PRKCE: variants seen among roughly 807,000 people sequenced by gnomAD.
PRKCE encodes the protein protein kinase C epsilon.
A neutral mutation model predicts 85.4 loss-of-function variants in PRKCE; 16 were observed. The observed-to-expected ratio is 0.19, with a 90% CI of 0.13 to 0.28. PRKCE has a LOEUF of 0.28. Among genes scored for constraint, PRKCE ranks in the 10% least tolerant of loss-of-function variants. The pLI, the probability that PRKCE is intolerant of heterozygous loss-of-function variation, is 1.00. For missense variants in PRKCE, 573 were observed against 975.2 expected, an observed-to-expected ratio of 0.59 and a Z score of 5.49; for synonymous variants, 388 against 371.5, an observed-to-expected ratio of 1.04 and a Z score of -0.51.
chr2:46,103,243 C>G (rs907101515), intron 11 of PRKCE, among the ~76,000 whole-genome samples: 1 of 152,144 alleles, frequency 6.6e-6, no homozygotes, highest in Non-Finnish European at 1.5e-5. Context: ...TGACATACCC[C>G]CATCATTGTG....
chr2:45,886,553 A>C (rs1432777606), intron 2 of PRKCE, among the ~76,000 whole-genome samples: 3 of 152,242 alleles, frequency 2.0e-5, no homozygotes, highest in African/African-American at 7.2e-5. Context: ...ACCTAACTAC[A>C]TGGGCACAGG....
At chr2:46,085,755 G>T (rs73926179) in intron 10 of PRKCE, among the ~76,000 whole-genome samples, 10,782 of 20,796 alleles carry the variant, frequency 0.52, 2,260 homozygotes, top group African/African-American at 0.6. Flanking sequence ...TTTTGTTTTT[G>T]TTTTTTTTTT....
chr2:45,741,676 T>C (rs112209290), intron 1 of PRKCE, among the ~76,000 whole-genome samples: 3,636 of 152,268 alleles, frequency 0.024, 150 homozygotes, highest in African/African-American at 0.083. Flanking sequence ...GGCTGTAAGG[T>C]ACTGCTGACA....
intron 2 of PRKCE, among the ~76,000 whole-genome samples, chr2:45,960,801 T>C (rs1386321037): frequency 6.6e-6 from 1 of 152,170 alleles, no homozygotes; most frequent in Non-Finnish European, 1.5e-5. Flanking sequence ...GACTGAAAAA[T>C]TCCCCAAATT....
In PRKCE at chr2:45,695,825, G is replaced by A. The variant is rs113452613; in HGVS notation, c.348+43377G>A. Among the ~76,000 whole-genome samples, 518 of 152,326 alleles carry A rather than the reference G, an allele frequency of 3.4e-3. 1 individual carries two copies. Among genetic ancestry groups the A allele is most frequent in the African/African-American group, 0.012 (491 of 41,580 alleles). ...ATGTACCATGCTTGTAGGATGCAAG[G>A]TCTCATGGGGAAGAGGGTGGAGAGC... On this transcript the variant is annotated intron_variant, in intron 1 of 14. Transcript: ENST00000306156.
chr2:46,149,949 CG>C (rs1676453716), intron 12 of PRKCE, among the ~76,000 whole-genome samples: 1 of 151,710 alleles, frequency 6.6e-6, no homozygotes, highest in Admixed American at 6.6e-5. Flanking sequence ...CTCAAACTCC[CG>C]GGCTCAAGTG....
chr2:46,143,700 G>A (rs1318686658), intron 11 of PRKCE, among the ~76,000 whole-genome samples: 3 of 152,200 alleles, frequency 2.0e-5, no homozygotes, highest in Non-Finnish European at 4.4e-5. Context: ...ACAGTGGCCA[G>A]GGTGGGGGTG....
chr2:46,160,013 CAATT>C, intron 14 of PRKCE: 1 of 412,324 alleles, frequency 2.4e-6, no homozygotes. Context: ...TACAGAGATT[CAATT>C]TATTTATTTT....
rs1409401184 is a variant in PRKCE, at chr2:46,139,010, T to C, written c.1593-6083T>C. Among the ~76,000 whole-genome samples, 1 of 152,148 alleles carries C rather than the reference T, an allele frequency of 6.6e-6. No individual in the cohort carries two copies. The highest frequency in any genetic ancestry group is 1.5e-5 in the Non-Finnish European group (1 of 68,022). Reference sequence around the variant, plus strand: ...GGTTCCATGGAAGTTCTCGTAAGTCTTCAGTCGAGTGGAGAGTAAAGTAGC... The same window carrying C: ...GGTTCCATGGAAGTTCTCGTAAGTCCTCAGTCGAGTGGAGAGTAAAGTAGC... On this transcript the variant is annotated intron_variant, in intron 11 of 14. Transcript: ENST00000306156. This position sits in a 1 kb window ranked among gnomAD's most constrained non-coding sequence, Gnocchi z 5.2.
chr2:46,016,572 A>G lies in PRKCE; in HGVS notation c.1437+6055A>G, dbSNP rs534167268. Reference sequence around the variant, plus strand: ...CTGCAGCTTCGTGTAACCTCTTTGCATATAAGGAAACCTTACATTTGAATA... The same window carrying G: ...CTGCAGCTTCGTGTAACCTCTTTGCGTATAAGGAAACCTTACATTTGAATA... On this transcript the variant is annotated intron_variant, in intron 10 of 14. Transcript: ENST00000306156. 2.0e-4 allele frequency among the ~76,000 whole-genome samples: 30 copies of G among 152,272 alleles called. 1 individual carries two copies. The South Asian group carries it at 6.2e-3, about 32-fold the overall frequency.
rs75510995 is a variant in PRKCE, at chr2:45,665,584, T to C, written c.348+13136T>C. On this transcript the variant is annotated intron_variant, in intron 1 of 14. Transcript: ENST00000306156. ...TCTTTGGTACCCATGCTCCTTTGTC[T>C]TCTTTGCTTCTTCATGACACCATCC... Among the ~76,000 whole-genome samples the C allele has an allele frequency of 9.5e-3, 1,443 of 152,342 alleles. 19 individuals are homozygous for C. The highest frequency in any genetic ancestry group is 0.033 in the African/African-American group (1,369 of 41,586).
chr2:45,684,368 G>A (rs945164436), intron 1 of PRKCE, among the ~76,000 whole-genome samples: 2 of 152,164 alleles, frequency 1.3e-5, no homozygotes, highest in Non-Finnish European at 2.9e-5. Context: ...GAGGATCAGG[G>A]CTATTTCATC....
intron 1 of PRKCE, among the ~76,000 whole-genome samples, chr2:45,812,911 G>A (rs1688753158): frequency 2.0e-5 from 3 of 152,204 alleles, no homozygotes; most frequent in Admixed American, 2.0e-4. Flanking sequence ...GTTTATATAT[G>A]GAGTGGACAT....
chr2:46,040,908 G>T (rs979382494), intron 10 of PRKCE, among the ~76,000 whole-genome samples: 21 of 152,200 alleles, frequency 1.4e-4, no homozygotes, highest in Admixed American at 2.6e-4. Context: ...AGTTTTAAAT[G>T]TAGTTCGGAC....
At chr2:45,802,822 T>C (rs929854747) in intron 1 of PRKCE, among the ~76,000 whole-genome samples, 15 of 152,238 alleles carry the variant, frequency 9.9e-5, no homozygotes, top group Admixed American at 9.2e-4. Flanking sequence ...CGTATAAACA[T>C]GCACAGTATA....
intron 1 of PRKCE, among the ~76,000 whole-genome samples, chr2:45,797,535 A>G (rs538090851): frequency 5.9e-5 from 9 of 152,314 alleles, no homozygotes; most frequent in African/African-American, 1.9e-4. Context: ...TCTTGCACGC[A>G]CCAGGCTGAG....
In PRKCE at chr2:45,967,030, C is replaced by T. The variant is rs545287910; in HGVS notation, c.413-9399C>T. Among the ~76,000 whole-genome samples, 9 of 152,280 alleles carry T rather than the reference C, an allele frequency of 5.9e-5. No homozygotes were observed. In the South Asian group the frequency reaches 1.9e-3, roughly 32 times the overall value. On this transcript the variant is annotated intron_variant, in intron 2 of 14. Transcript: ENST00000306156. ...AAAAGAGAAAGAACCTGAACCATGG[C>T]TGTATATGTCTGATCTCCTCAGGGC...
chr2:46,020,845 A>C (rs546869121), intron 10 of PRKCE, among the ~76,000 whole-genome samples: 2 of 152,316 alleles, frequency 1.3e-5, no homozygotes, highest in East Asian at 3.9e-4. Context: ...GAGGAAGGAG[A>C]GACGTATTTA....
At chr2:46,112,172 T>C (rs1672319495) in intron 11 of PRKCE, among the ~76,000 whole-genome samples, 1 of 152,220 alleles carries the variant, frequency 6.6e-6, no homozygotes, top group South Asian at 2.1e-4. Context: ...ATTTTCTTTG[T>C]TTTGAAGTCG....
Sources: allele counts gnomAD v4.1 joint callset (sites outside exome capture counted in the v4.1 genomes callset), GRCh38; gene constraint gnomAD v4.1.1; non-coding constraint Gnocchi (gnomAD v3.1); transcripts MANE v1.5; gene names NCBI Gene and HGNC (gene_info 2026-07-23, HGNC 2026-07-21).